The following ANTXR2 variants were observed in gnomAD, a reference collection of about 807,000 sequenced individuals.
The protein encoded by ANTXR2 is anthrax toxin receptor 2.
A neutral mutation model predicts 73.7 loss-of-function variants in ANTXR2; 44 were observed. That is an observed-to-expected ratio of 0.60 (90% CI 0.47 to 0.77). ANTXR2 has a LOEUF of 0.77. Among genes scored for constraint, ANTXR2 ranks in the 30% least tolerant of loss-of-function variants. The pLI, the probability that ANTXR2 is intolerant of heterozygous loss-of-function variation, is 0.00. For synonymous variants in ANTXR2, 217 were observed against 205.9 expected, an observed-to-expected ratio of 1.05 and a Z score of -0.46; for missense variants, 604 against 592.5, an observed-to-expected ratio of 1.02 and a Z score of -0.20.
chr4:80,001,238 C>T (rs1037781063), intron 12 of ANTXR2, among the ~76,000 whole-genome samples: 1 of 151,636 alleles, frequency 6.6e-6, no homozygotes, highest in Non-Finnish European at 1.5e-5. Flanking sequence ...CATATGTATA[C>T]ATGTGCCATG....
chr4:80,022,839 T>A (rs1732231427), intron 10 of ANTXR2, among the ~76,000 whole-genome samples: 1 of 152,170 alleles, frequency 6.6e-6, no homozygotes, highest in Non-Finnish European at 1.5e-5. Flanking sequence ...AGTCCTGAGT[T>A]TGAACCCTCA....
chr4:79,926,880 T>C lies in ANTXR2; in HGVS notation c.1429-19413A>G, dbSNP rs148977510. On this transcript the variant is annotated intron_variant, in intron 16 of 16. Coordinates refer to ENST00000403729, the MANE Select transcript of ANTXR2 (RefSeq NM_058172.6). ...AGAAATTGTGGCATATATATGTGTGTATATATATGTGTGTATATACACATG... is the reference window on the plus strand; with the variant it reads ...AGAAATTGTGGCATATATATGTGTGCATATATATGTGTGTATATACACATG... 1.6e-3 allele frequency among the ~76,000 whole-genome samples: 245 copies of C among 152,048 alleles called. 2 individuals are homozygous for C. The East Asian group carries it at 0.018, about 11-fold the overall frequency.
intron 16 of ANTXR2, among the ~76,000 whole-genome samples, chr4:79,946,587 T>G (rs777402034): frequency 1.1e-4 from 17 of 152,104 alleles, no homozygotes; most frequent in Admixed American, 3.9e-4. Flanking sequence ...GAAGAGGGGC[T>G]CAACTGCAAA....
Position 80,055,479 on chromosome 4 carries a change from G to A in ANTXR2, c.379-12C>T. The A allele has an allele frequency of 6.3e-7, 1 of 1,589,302 alleles. No homozygotes were observed. Among genetic ancestry groups the A allele is most frequent in the South Asian group, 1.1e-5 (1 of 89,576 alleles). On this transcript the variant is annotated splice_polypyrimidine_tract_variant and intron_variant, in intron 4 of 16. Coordinates refer to ENST00000403729, the MANE Select transcript of ANTXR2 (RefSeq NM_058172.6). ...ATTTGTTCATTCGCCTGAAAATGAA[G>A]AATAATTATCCAACTCACAATTTAA...
chr4:80,035,993 G>C lies in ANTXR2; in HGVS notation c.676C>G (p.Pro226Ala), dbSNP rs1190274753. Residue 226 changes from proline to alanine, a missense_variant, in exon 8 of 17, where the codon CCC becomes GCC. Coordinates refer to ENST00000403729, the MANE Select transcript of ANTXR2 (RefSeq NM_058172.6). ...QSCTEILELQ[P>A]SSVCVGEEFQ... The stretch of plus-strand genomic sequence containing the variant: ...TTACCCCCCACACAGACACTTGAGG[G>C]CTGCAATTCTAGGATTTCAGTACAT... 6.5e-7 allele frequency: 1 copy of C among 1,536,958 alleles called. No individual in the cohort carries two copies. The highest frequency in any genetic ancestry group is 1.3e-5 in the South Asian group (1 of 78,334).
rs983523297 is a variant in ANTXR2, at chr4:80,008,723, A to C, written c.946-107T>G. ...ACCAGAAAATAATTCAGAAAGTATA[A>C]TGTCAAACTAGATTTTAACTATATT... is the stretch of plus-strand genomic sequence containing the variant. On this transcript the variant is annotated intron_variant, in intron 11 of 16. Transcript: ENST00000403729. 43 of 599,964 alleles carry C rather than the reference A, an allele frequency of 7.2e-5. 1 individual carries two copies. Among genetic ancestry groups the C allele is most frequent in the African/African-American group, 6.5e-4 (33 of 50,742 alleles). The allele number at this position is 599,964 out of a possible 1,614,324, so 37.2% of individuals were successfully genotyped here.
At chr4:80,038,139 T>C (rs1733063911) in intron 7 of ANTXR2, among the ~76,000 whole-genome samples, 1 of 152,122 alleles carries the variant, frequency 6.6e-6, no homozygotes, top group South Asian at 2.1e-4. Context: ...CAGAATAAAG[T>C]AAATCAAAAA....
chr4:79,911,631 A>G (rs1306727109), intron 16 of ANTXR2, among the ~76,000 whole-genome samples: 1 of 151,990 alleles, frequency 6.6e-6, no homozygotes, highest in Non-Finnish European at 1.5e-5. Context: ...GTTAAAATGA[A>G]TGAATGTATA....
intron 14 of ANTXR2, 64 bp from the exon 15 acceptor site, chr4:79,978,238 T>G: frequency 1.3e-6 from 2 of 1,488,278 alleles, no homozygotes; most frequent in Non-Finnish European, 1.8e-6. Context: ...AGGCTCTTAT[T>G]GAGCCTATGG....
intron 16 of ANTXR2, among the ~76,000 whole-genome samples, chr4:79,965,349 TTTA>T (rs2110000480): frequency 6.6e-6 from 1 of 152,334 alleles, no homozygotes; most frequent in African/African-American, 2.4e-5. Flanking sequence ...ACAGCTGTGT[TTTA>T]TTGTCTCTCA....
chr4:80,065,911 T>C (rs781414391), intron 3 of ANTXR2, among the ~76,000 whole-genome samples: 4 of 152,250 alleles, frequency 2.6e-5, no homozygotes, highest in Non-Finnish European at 5.9e-5. Flanking sequence ...CTATTTGTGA[T>C]TGTAATATAT....
chr4:80,067,219 A>G (rs72655051), intron 3 of ANTXR2, among the ~76,000 whole-genome samples: 5,070 of 147,294 alleles, frequency 0.034, 89 homozygotes, highest in Middle Eastern at 0.1. Flanking sequence ...AAAAAAAAAA[A>G]GAAAGAAAGA....
At chr4:80,018,198 C>A (rs1169801174) in intron 11 of ANTXR2, among the ~76,000 whole-genome samples, 1 of 152,078 alleles carries the variant, frequency 6.6e-6, no homozygotes, top group Admixed American at 6.6e-5. Flanking sequence ...ATATTTTTTA[C>A]AAAATATATT....
At position 79,933,057 on chromosome 4, in the gene ANTXR2, C is replaced by T. The variant is rs572800741; in HGVS notation, c.1429-25590G>A. 2.0e-5 allele frequency among the ~76,000 whole-genome samples: 3 copies of T among 152,126 alleles called. No homozygotes were observed. The East Asian group carries it at 5.8e-4, about 29-fold the overall frequency. ...ACCCCCACTTAAAATAAAAGTAATC[C>T]TTGCTGCATTAGTTATAATGGTGCC... On this transcript the variant is annotated intron_variant, in intron 16 of 16. Coordinates refer to ENST00000403729, the MANE Select transcript of ANTXR2 (RefSeq NM_058172.6).
At chr4:79,960,964 A>G (rs1729117913) in intron 16 of ANTXR2, among the ~76,000 whole-genome samples, 1 of 151,988 alleles carries the variant, frequency 6.6e-6, no homozygotes, top group South Asian at 2.1e-4. Context: ...GGGGCAATAA[A>G]AGCTTCCTAC....
At chr4:80,004,702 T>C (rs2110050829) in intron 12 of ANTXR2, among the ~76,000 whole-genome samples, 1 of 152,268 alleles carries the variant, frequency 6.6e-6, no homozygotes. Context: ...GTCAAGATTT[T>C]TAATTTAATC....
chr4:80,020,727 T>G (rs765667984), intron 10 of ANTXR2, among the ~76,000 whole-genome samples: 1 of 152,190 alleles, frequency 6.6e-6, no homozygotes, highest in African/African-American at 2.4e-5. Context: ...CAATGTGCTA[T>G]TTGGTTTGGA....
chr4:80,005,225 C>G (rs1193791745), intron 12 of ANTXR2, among the ~76,000 whole-genome samples: 3 of 152,112 alleles, frequency 2.0e-5, no homozygotes, highest in Non-Finnish European at 4.4e-5. Context: ...AGGTGGATAG[C>G]TGACACACCA....
chr4:80,024,540 G>A, intron 10 of ANTXR2: 1 of 289,142 alleles, frequency 3.5e-6, no homozygotes, highest in Admixed American at 4.7e-5. Flanking sequence ...GCGGGTGGTT[G>A]GCTTGAGCCC....
Sources: gnomAD v4.1 joint callset for allele counts (sites outside exome capture counted in the v4.1 genomes callset) on GRCh38, gnomAD v4.1.1 for gene constraint, MANE v1.5 for transcripts, NCBI Gene and HGNC (gene_info 2026-07-23, HGNC 2026-07-21) for gene names.